The following ADAMTS3 variants were observed in gnomAD, a reference collection of about 807,000 sequenced individuals.
ADAMTS3 encodes the protein A disintegrin and metalloproteinase with thrombospondin motifs 3.
A neutral mutation model predicts 129.0 loss-of-function variants in ADAMTS3; 73 were observed. The observed-to-expected ratio is 0.57, with a 90% CI of 0.47 to 0.69. ADAMTS3 has a LOEUF of 0.69. Among genes scored for constraint, ADAMTS3 ranks in the 30% least tolerant of loss-of-function variants. The probability of loss-of-function intolerance (pLI) is 0.00; values close to 1 mark genes in which losing one functional copy is unlikely to be tolerated. For synonymous variants in ADAMTS3, 477 were observed against 510.8 expected, an observed-to-expected ratio of 0.93 and a Z score of 0.89; for missense variants, 1,457 against 1,514.5, an observed-to-expected ratio of 0.96 and a Z score of 0.63.
In ADAMTS3 at chr4:72,443,107, A is replaced by T. The variant is rs536594441; in HGVS notation, c.505-28136T>A. ...AATAACTTATCCTTCTTGGCGACTG[A>T]AACATGGGAAGTAATTTTCATAATT... is the stretch of plus-strand genomic sequence containing the variant. On this transcript the variant is annotated intron_variant, in intron 3 of 21. Coordinates refer to ENST00000286657, the MANE Select transcript of ADAMTS3 (RefSeq NM_014243.3). Among the ~76,000 whole-genome samples, 10 of 151,812 alleles carry T rather than the reference A, an allele frequency of 6.6e-5. No homozygotes were observed. The South Asian group carries it at 1.9e-3, about 28-fold the overall frequency.
chr4:72,295,548 G>T, intron 19 of ADAMTS3, 106 bp downstream of exon 19: 1 of 1,207,426 alleles, frequency 8.3e-7, no homozygotes, highest in Non-Finnish European at 1.1e-6. Flanking sequence ...TTTAAACCAT[G>T]TCTATATAGA....
Position 72,406,254 on chromosome 4 carries a change from G to T in ADAMTS3, c.661+8561C>A, listed in dbSNP as rs964267664. On this transcript the variant is annotated intron_variant, in intron 4 of 21. Transcript: ENST00000286657. The stretch of plus-strand genomic sequence containing the variant: ...TACCAACAGGGCTAGCAGATACCAT[G>T]CAAAAAAGATAGCCAGCCCAGCAAT... 6.6e-5 allele frequency among the ~76,000 whole-genome samples: 10 copies of T among 152,180 alleles called. No individual in the cohort carries two copies. In the East Asian group the frequency reaches 1.9e-3, roughly 29 times the overall value.
intron 15 of ADAMTS3, among the ~76,000 whole-genome samples, chr4:72,308,389 A>G (rs536766039): frequency 6.6e-6 from 1 of 152,060 alleles, no homozygotes; most frequent in Admixed American, 6.6e-5. Flanking sequence ...AAACTAAGAG[A>G]ATTATTTCAT....
Position 72,568,982 on chromosome 4 carries a change from C to T in ADAMTS3, c.-220G>A, listed in dbSNP as rs1008216312. The T allele has an allele frequency of 2.5e-5, 15 of 599,942 alleles. No homozygotes were observed. Among genetic ancestry groups the T allele is most frequent in the Non-Finnish European group, 3.3e-5 (11 of 336,038 alleles). The allele number at this position is 599,942 out of a possible 1,614,324, so 37.2% of individuals were successfully genotyped here. ...GTTTTTTCCACTTCACCTTCTCACC[C>T]CGTCCTCCCAACACAGAGTGTGCAG... On this transcript the variant is annotated 5_prime_UTR_variant, in exon 1 of 22. Transcript: ENST00000286657.
chr4:72,382,601 T>C (rs1263127965), intron 4 of ADAMTS3, among the ~76,000 whole-genome samples: 1 of 152,208 alleles, frequency 6.6e-6, no homozygotes, highest in Middle Eastern at 3.2e-3. Context: ...ACTGCAGCAC[T>C]ATTCACAATA....
chr4:72,376,635 G>T (rs1004568537), intron 4 of ADAMTS3, among the ~76,000 whole-genome samples: 5 of 152,104 alleles, frequency 3.3e-5, no homozygotes, highest in African/African-American at 1.2e-4. Context: ...CTTTGTTGGG[G>T]CCTAAGAACT....
intron 3 of ADAMTS3, among the ~76,000 whole-genome samples, chr4:72,453,863 T>C (rs916241757): frequency 1.3e-5 from 2 of 149,992 alleles, no homozygotes; most frequent in Admixed American, 6.7e-5. Context: ...GGCTCCCCTC[T>C]GCAACATATT....
At chr4:72,495,794 C>T (rs1049073130) in intron 3 of ADAMTS3, among the ~76,000 whole-genome samples, 1 of 152,108 alleles carries the variant, frequency 6.6e-6, no homozygotes, top group Non-Finnish European at 1.5e-5. Flanking sequence ...GAAAAGGACA[C>T]TTTTTGGAAT....
chr4:72,348,161 G>A (rs1720335706), intron 4 of ADAMTS3, among the ~76,000 whole-genome samples: 1 of 152,038 alleles, frequency 6.6e-6, no homozygotes, highest in South Asian at 2.1e-4. Flanking sequence ...TGGGAATCCA[G>A]CAATGGACGA....
At chr4:72,440,485 C>G (rs1258183233) in intron 3 of ADAMTS3, among the ~76,000 whole-genome samples, 1 of 151,774 alleles carries the variant, frequency 6.6e-6, no homozygotes, top group Non-Finnish European at 1.5e-5. Context: ...AAAATGCAGT[C>G]TGAACTTTTT....
chr4:72,511,971 T>A (rs1410512476), intron 3 of ADAMTS3, among the ~76,000 whole-genome samples: 1 of 152,180 alleles, frequency 6.6e-6, no homozygotes, highest in Non-Finnish European at 1.5e-5. Context: ...ACAACATGGA[T>A]GCAACTGGAG....
intron 15 of ADAMTS3, among the ~76,000 whole-genome samples, chr4:72,306,667 T>A (rs960350174): frequency 6.6e-6 from 1 of 151,980 alleles, no homozygotes; most frequent in African/African-American, 2.4e-5. Flanking sequence ...TGGGACTATT[T>A]TAACCAAATC....
intron 3 of ADAMTS3, among the ~76,000 whole-genome samples, chr4:72,439,280 C>A (rs530506555): frequency 6.6e-6 from 1 of 151,668 alleles, no homozygotes; most frequent in Admixed American, 6.6e-5. Flanking sequence ...TTACCTTGAG[C>A]AACAACAAAA....
At chr4:72,518,006 G>T (rs1479036901) in intron 3 of ADAMTS3, among the ~76,000 whole-genome samples, 1 of 151,690 alleles carries the variant, frequency 6.6e-6, no homozygotes, top group Admixed American at 6.6e-5. Context: ...ACACTGCTTT[G>T]AATGTGTCCC....
chr4:72,488,672 T>C lies in ADAMTS3; in HGVS notation c.504+59806A>G, dbSNP rs551203869. On this transcript the variant is annotated intron_variant, in intron 3 of 21. Transcript: ENST00000286657. Reference sequence around the variant, plus strand: ...CTATTTATAATTGACAAATATTACATATATATTTAAGGCATAAAATTTAAT... The same window carrying C: ...CTATTTATAATTGACAAATATTACACATATATTTAAGGCATAAAATTTAAT... 1.1e-3 allele frequency among the ~76,000 whole-genome samples: 165 copies of C among 152,128 alleles called. 1 individual carries two copies. The highest frequency in any genetic ancestry group is 3.8e-3 in the African/African-American group (159 of 41,548).
intron 16 of ADAMTS3, among the ~76,000 whole-genome samples, 154 bp downstream of exon 16, chr4:72,305,833 T>C (rs1042176436): frequency 1.3e-5 from 2 of 152,052 alleles, no homozygotes; most frequent in Admixed American, 6.6e-5. Flanking sequence ...CACATATACG[T>C]ATGCACATGT....
At chr4:72,458,967 A>G (rs561493452) in intron 3 of ADAMTS3, among the ~76,000 whole-genome samples, 1 of 151,784 alleles carries the variant, frequency 6.6e-6, no homozygotes, top group Non-Finnish European at 1.5e-5. Context: ...ATTGACAAAA[A>G]CTGGCAAAGC....
intron 3 of ADAMTS3, 76 bp downstream of exon 3, chr4:72,548,402 C>T (rs892367638): frequency 1.4e-6 from 2 of 1,460,438 alleles, no homozygotes; most frequent in Non-Finnish European, 1.9e-6. Flanking sequence ...TCCACCTCCA[C>T]CTTCCAAACT....
rs188522035 is a variant in ADAMTS3, at chr4:72,410,336, G to T, written c.661+4479C>A. ...TGTTTCCCACCTGGGACAAAAACAC[G>T]CCTTCACAGCACCATGACAACCACA... On this transcript the variant is annotated intron_variant, in intron 4 of 21. Transcript: ENST00000286657. 9.5e-4 allele frequency among the ~76,000 whole-genome samples: 144 copies of T among 152,116 alleles called. 1 individual carries two copies. The highest frequency in any genetic ancestry group is 2.0e-3 in the Admixed American group (30 of 15,258).
Sources: gnomAD v4.1 joint callset for allele counts (sites outside exome capture counted in the v4.1 genomes callset) on GRCh38, gnomAD v4.1.1 for gene constraint, MANE v1.5 for transcripts, NCBI Gene and HGNC (gene_info 2026-07-23, HGNC 2026-07-21) for gene names.